The following RANBP2 variants were observed in gnomAD, a reference collection of about 807,000 sequenced individuals.
RANBP2 encodes the protein RAN binding protein 2.
RANBP2 carries 57 observed loss-of-function variants against 303.6 expected under a neutral mutation model. The observed-to-expected ratio is 0.19, with a 90% CI of 0.15 to 0.23. RANBP2 has a LOEUF of 0.23. Ranked by LOEUF, RANBP2 falls within the 10% of genes least tolerant of loss-of-function variation. RANBP2 has a pLI of 1.00. For missense variants in RANBP2, 3,138 were observed against 3,780.8 expected (o/e 0.83, Z 4.46); for synonymous variants, 1,167 against 1,301.5 (o/e 0.90, Z 2.23).
At chr2:109,490,256 A>G in the RANBP2 span, among the ~76,000 whole-genome samples, 2 of 152,340 alleles carry the variant, frequency 1.3e-5, no homozygotes, top group East Asian at 3.9e-4. Flanking sequence ...AAGAGCAGGC[A>G]TGCTTACTGC....
chr2:109,418,876 G>T, the RANBP2 span, among the ~76,000 whole-genome samples: 523 of 152,280 alleles, frequency 3.4e-3, 2 homozygotes, highest in African/African-American at 0.012. Context: ...TGGGACTAAG[G>T]ATTCTCTATG....
chr2:109,590,046 ATATGTGTGTGTATATATAT>A, the RANBP2 span, among the ~76,000 whole-genome samples: 1 of 147,678 alleles, frequency 6.8e-6, no homozygotes, highest in Non-Finnish European at 1.5e-5. Flanking sequence ...ACACACATAT[ATATGTGTGTGTATATATAT>A]ACACACACAT....
chr2:109,503,082 T>G, the RANBP2 span: 1 of 152,132 alleles, frequency 6.6e-6, no homozygotes, highest in Non-Finnish European at 1.5e-5. Context: ...GTATATTCAT[T>G]AGCACCATGG....
chr2:109,474,973 GTTT>G, the RANBP2 span, among the ~76,000 whole-genome samples: 1 of 145,588 alleles, frequency 6.9e-6, no homozygotes, highest in Non-Finnish European at 1.6e-5. Context: ...GGTTTTTTTT[GTTT>G]GTTTGTTTGT....
the RANBP2 span, among the ~76,000 whole-genome samples, chr2:109,667,517 G>C: frequency 1.3e-5 from 2 of 152,108 alleles, no homozygotes; most frequent in Middle Eastern, 3.2e-3. Flanking sequence ...GGCATGGCTG[G>C]GGAGCCCTTC....
chr2:109,532,960 T>C, the RANBP2 span, among the ~76,000 whole-genome samples: 1 of 152,128 alleles, frequency 6.6e-6, no homozygotes, highest in African/African-American at 2.4e-5. Flanking sequence ...ACTGGCCAGG[T>C]GCATGCTTGG....
At chr2:109,301,456 T>A in the RANBP2 span, among the ~76,000 whole-genome samples, 1 of 152,148 alleles carries the variant, frequency 6.6e-6, no homozygotes, top group Non-Finnish European at 1.5e-5. Flanking sequence ...TGCTGGCCCC[T>A]TCGCTGTTTG....
At chr2:109,276,916 G>T in the RANBP2 span, among the ~76,000 whole-genome samples, 1 of 152,114 alleles carries the variant, frequency 6.6e-6, no homozygotes, top group African/African-American at 2.4e-5. Flanking sequence ...GATGACCAAG[G>T]TTCATGTTTC....
chr2:109,192,304 C>T, the RANBP2 span, among the ~76,000 whole-genome samples: 158 of 152,308 alleles, frequency 1.0e-3, 1 homozygote, highest in African/African-American at 3.7e-3. Flanking sequence ...GGAAAGTGAT[C>T]TGAGATGCTT....
chr2:109,719,027 A>AAAAAAAAAAC, the RANBP2 span, among the ~76,000 whole-genome samples: 1 of 118,216 alleles, frequency 8.5e-6, no homozygotes, highest in African/African-American at 2.8e-5. Context: ...AAAAAAAAAA[A>AAAAAAAAAAC]AGAAACAAAA....
At chr2:109,658,356 G>A in the RANBP2 span, among the ~76,000 whole-genome samples, 1 of 151,698 alleles carries the variant, frequency 6.6e-6, no homozygotes, top group Non-Finnish European at 1.5e-5. Flanking sequence ...CTGAGGCAGA[G>A]AATTGCTTGA....
At chr2:109,693,999 A>G in the RANBP2 span, among the ~76,000 whole-genome samples, 1 of 152,150 alleles carries the variant, frequency 6.6e-6, no homozygotes, top group Non-Finnish European at 1.5e-5. Context: ...GCAAAGCAAA[A>G]CGAAATGAGG....
chr2:109,484,111 T>A, the RANBP2 span, among the ~76,000 whole-genome samples: 1 of 149,832 alleles, frequency 6.7e-6, no homozygotes, highest in East Asian at 2.0e-4. Flanking sequence ...TCTTGTCTCC[T>A]AGGCTGGAGT....
chr2:108,905,610 G>C, the RANBP2 span, among the ~76,000 whole-genome samples: 1 of 152,154 alleles, frequency 6.6e-6, no homozygotes, highest in East Asian at 1.9e-4. Flanking sequence ...TGCCCGGCCA[G>C]ATCAAGGAGT....
At chr2:108,762,269 A>G in intron 19 of RANBP2, 74 bp downstream of exon 19, 1 of 1,405,418 alleles carries the variant, frequency 7.1e-7, no homozygotes, top group Non-Finnish European at 9.4e-7. Context: ...AAATAAATTC[A>G]AGAGAGCAGT....
At chr2:109,244,613 C>G in the RANBP2 span, among the ~76,000 whole-genome samples, 63 of 152,124 alleles carry the variant, frequency 4.1e-4, no homozygotes, top group Non-Finnish European at 5.9e-5. Context: ...GAGGAAAACC[C>G]AAGAATGCCA....
At chr2:108,927,747 C>T in the RANBP2 span, among the ~76,000 whole-genome samples, 1 of 152,248 alleles carries the variant, frequency 6.6e-6, no homozygotes, top group South Asian at 2.1e-4. Flanking sequence ...CTATCTAGGT[C>T]TGGATGTCCC....
At chr2:109,692,626 G>A in the RANBP2 span, among the ~76,000 whole-genome samples, 2 of 152,170 alleles carry the variant, frequency 1.3e-5, no homozygotes, top group East Asian at 3.9e-4. Flanking sequence ...CTGTGGGAGG[G>A]AGGCCCACTT....
intron 4 of RANBP2, among the ~76,000 whole-genome samples, chr2:108,732,325 A>T (rs532807740): frequency 6.6e-6 from 1 of 152,230 alleles, no homozygotes; most frequent in Non-Finnish European, 1.5e-5. Flanking sequence ...TAAAATCCGA[A>T]ATCCTAAATG....
Sources: gnomAD v4.1 joint callset for allele counts (sites outside exome capture counted in the v4.1 genomes callset) on GRCh38, gnomAD v4.1.1 for gene constraint, MANE v1.5 for transcripts, NCBI Gene and HGNC (gene_info 2026-07-23, HGNC 2026-07-21) for gene names.